The following SCAPER variants were observed in gnomAD, a reference collection of about 807,000 sequenced individuals.
SCAPER encodes S phase cyclin A-associated protein in the endoplasmic reticulum.
SCAPER carries 98 observed loss-of-function variants against 182.2 expected under a neutral mutation model. The ratio of observed to expected loss-of-function variants is 0.54; its 90% CI spans 0.46 to 0.64. The LOEUF is 0.64. Ranked by LOEUF, SCAPER falls within the 30% of genes least tolerant of loss-of-function variation. The pLI is 0.00. For missense variants in SCAPER, 1,432 were observed against 1,690.0 expected (o/e 0.85, Z 2.68); for synonymous variants, 605 against 564.6 (o/e 1.07, Z -1.01).
chr15:76,731,442 C>T (rs146613071), intron 16 of SCAPER, among the ~76,000 whole-genome samples: 1 of 152,298 alleles, frequency 6.6e-6, no homozygotes, highest in East Asian at 1.9e-4. Context: ...ATGATGGCAG[C>T]ACTTGGTATT....
chr15:76,381,632 C>A lies in SCAPER; in HGVS notation c.3468-17G>T. 1 of 1,546,254 alleles carries A rather than the reference C, an allele frequency of 6.5e-7. No individual in the cohort carries two copies. Among genetic ancestry groups the A allele is most frequent in the Non-Finnish European group, 8.8e-7 (1 of 1,138,908 alleles). On this transcript the variant is annotated splice_polypyrimidine_tract_variant and intron_variant, in intron 27 of 31. Coordinates refer to ENST00000563290, the MANE Select transcript of SCAPER (RefSeq NM_020843.4). ...CTGTATGACCTGACAAAGAAACATT[C>A]AGTTCTTTGAGAAAAACTACTTAAT...
intron 1 of SCAPER, among the ~76,000 whole-genome samples, chr15:76,898,860 G>A (rs2074579285): frequency 6.6e-6 from 1 of 152,182 alleles, no homozygotes; most frequent in African/African-American, 2.4e-5. Flanking sequence ...ACAACTCTGT[G>A]AATACATTAA....
intron 20 of SCAPER, among the ~76,000 whole-genome samples, chr15:76,683,512 T>C (rs1272053710): frequency 2.0e-5 from 3 of 152,048 alleles, no homozygotes; most frequent in South Asian, 2.1e-4. Flanking sequence ...AAAATTTCCC[T>C]GACCATGCTA....
chr15:76,622,156 G>A (rs908593719), intron 21 of SCAPER, among the ~76,000 whole-genome samples: 1 of 152,124 alleles, frequency 6.6e-6, no homozygotes, highest in Admixed American at 6.5e-5. Context: ...ATACTTCTCT[G>A]CCCCTTTCTA....
At chr15:76,539,471 T>TAACC (rs1011376043) in intron 23 of SCAPER, among the ~76,000 whole-genome samples, 34 of 152,180 alleles carry the variant, frequency 2.2e-4, no homozygotes, top group African/African-American at 7.9e-4. Flanking sequence ...GTTTTGGGCT[T>TAACC]AACCAACCAA....
intron 16 of SCAPER, 54 bp downstream of exon 16, chr15:76,733,175 C>T (rs1264177000): frequency 5.9e-6 from 9 of 1,516,680 alleles, no homozygotes; most frequent in Non-Finnish European, 8.0e-6. Flanking sequence ...CGGGGCTGGA[C>T]CCTACAAATA....
chr15:76,835,182 A>T (rs2068822756), intron 5 of SCAPER, among the ~76,000 whole-genome samples: 2 of 152,094 alleles, frequency 1.3e-5, no homozygotes, highest in Admixed American at 6.5e-5. Context: ...CATTCACAAT[A>T]GCCACACACA....
At chr15:76,874,785 C>T (rs2073026838) in intron 2 of SCAPER, among the ~76,000 whole-genome samples, 1 of 151,960 alleles carries the variant, frequency 6.6e-6, no homozygotes, top group Non-Finnish European at 1.5e-5. Context: ...AGCAAGACCT[C>T]TCTCTACTAA....
chr15:76,463,713 A>G (rs1037615908), intron 25 of SCAPER, among the ~76,000 whole-genome samples: 2 of 152,180 alleles, frequency 1.3e-5, no homozygotes, highest in South Asian at 2.1e-4. Flanking sequence ...CTTTTTCAGT[A>G]TATCTTACCA....
chr15:76,812,928 TC>T lies in SCAPER; in HGVS notation c.394-8296del, dbSNP rs139459294. On this transcript the variant is annotated intron_variant, in intron 5 of 31. Transcript: ENST00000563290. ...AAAAAAAATAGTAAAGGGAAGAGTT[TC>T]AATTTCATACATGAGATCAATTTCA... Among the ~76,000 whole-genome samples the T allele has an allele frequency of 7.2e-3, 1,081 of 151,036 alleles. 16 individuals carry two copies. Among genetic ancestry groups the T allele is most frequent in the African/African-American group, 0.025 (1,030 of 41,272 alleles).
intron 17 of SCAPER, among the ~76,000 whole-genome samples, chr15:76,711,707 A>G (rs187406946): frequency 6.6e-6 from 1 of 152,232 alleles, no homozygotes; most frequent in Non-Finnish European, 1.5e-5. Context: ...GCACTTTTTC[A>G]TGTGGTTTTT....
intron 20 of SCAPER, among the ~76,000 whole-genome samples, chr15:76,693,140 C>A (rs540682211): frequency 4.6e-5 from 7 of 152,134 alleles, no homozygotes; most frequent in African/African-American, 1.7e-4. Context: ...CATAAAATAT[C>A]TAGAATACCC....
intron 1 of SCAPER, among the ~76,000 whole-genome samples, chr15:76,898,231 T>C (rs187786716): frequency 1.1e-4 from 17 of 152,282 alleles, no homozygotes; most frequent in Non-Finnish European, 1.9e-4. Context: ...CCAAGATGTC[T>C]ACCGTCAAAA....
At position 76,785,874 on chromosome 15, in the gene SCAPER, C is replaced by T. The variant is rs940777523; in HGVS notation, c.772+9406G>A. ...GGGAACATCACACACTGGGGCCTGT[C>T]GTGGGGTGAGGGACTGTGGGAGGGA... On this transcript the variant is annotated intron_variant, in intron 8 of 31. Transcript: ENST00000563290. Among the ~76,000 whole-genome samples the T allele has an allele frequency of 3.9e-5, 6 of 152,008 alleles. No homozygotes were observed. In the South Asian group the frequency reaches 6.2e-4, roughly 16 times the overall value.
chr15:76,482,350 T>C (rs2051212775), intron 24 of SCAPER, among the ~76,000 whole-genome samples: 2 of 152,198 alleles, frequency 1.3e-5, no homozygotes, highest in South Asian at 4.1e-4. Flanking sequence ...GTTAGTTTTT[T>C]AGTTTTATCT....
chr15:76,866,600 G>A (rs1410908837), intron 2 of SCAPER, among the ~76,000 whole-genome samples: 1 of 152,102 alleles, frequency 6.6e-6, no homozygotes, highest in East Asian at 1.9e-4. Context: ...TACAAGATCT[G>A]ATTGAAAATC....
intron 13 of SCAPER, 120 bp from the exon 14 acceptor site, chr15:76,765,192 G>A (rs542636919): frequency 3.4e-4 from 353 of 1,032,936 alleles, no homozygotes; most frequent in Non-Finnish European, 4.3e-4. Context: ...CCAACATTTC[G>A]GGAAAGCTTT....
chr15:76,407,602 G>T (rs2044955439), intron 26 of SCAPER, among the ~76,000 whole-genome samples: 1 of 152,052 alleles, frequency 6.6e-6, no homozygotes, highest in Non-Finnish European at 1.5e-5. Context: ...ATATAGTAAA[G>T]AAAAGCAGAA....
chr15:76,372,817 A>C (rs2042274377), intron 29 of SCAPER, among the ~76,000 whole-genome samples: 1 of 152,224 alleles, frequency 6.6e-6, no homozygotes, highest in African/African-American at 2.4e-5. Flanking sequence ...GCCATTAAAA[A>C]TACTTAACAA....
Sources: gnomAD v4.1 joint callset for allele counts (sites outside exome capture counted in the v4.1 genomes callset) on GRCh38, gnomAD v4.1.1 for gene constraint, MANE v1.5 for transcripts, NCBI Gene and HGNC (gene_info 2026-07-23, HGNC 2026-07-21) for gene names.